Variants in KIAA1958 observed in about 807,000 individuals in gnomAD.
KIAA1958 encodes the protein uncharacterized protein KIAA1958.
KIAA1958 carries 14 observed loss-of-function variants against 47.2 expected under a neutral mutation model. The ratio of observed to expected loss-of-function variants is 0.30; its 90% CI spans 0.20 to 0.46. The LOEUF is 0.46. Among genes scored for constraint, KIAA1958 ranks in the 20% least tolerant of loss-of-function variants. KIAA1958 has a pLI of 1.00. For synonymous variants in KIAA1958, 354 were observed against 353.3 expected (o/e 1.00, Z -0.02); for missense variants, 803 against 909.2 (o/e 0.88, Z 1.50).
At chr9:112,564,669 T>C (rs550290417) in intron 1 of KIAA1958, among the ~76,000 whole-genome samples, 1 of 152,348 alleles carries the variant, frequency 6.6e-6, no homozygotes, top group East Asian at 1.9e-4. Context: ...GCTACTTAAA[T>C]GTATGTAAAC....
intron 1 of KIAA1958, among the ~76,000 whole-genome samples, chr9:112,543,566 T>G (rs1022945752): frequency 1.8e-5 from 1 of 55,198 alleles, no homozygotes; most frequent in Non-Finnish European, 3.1e-5. Context: ...CTTCTGAGCT[T>G]CTTTTTTTTT....
chr9:112,572,790 G>A (rs760569326), intron 1 of KIAA1958, among the ~76,000 whole-genome samples: 3 of 152,204 alleles, frequency 2.0e-5, no homozygotes, highest in Non-Finnish European at 4.4e-5. Context: ...AGAGGTGGCC[G>A]TGGCCACATC....
Position 112,660,438 on chromosome 9 carries a change from C to A in KIAA1958, c.*369C>A, listed in dbSNP as rs1837257381. On this transcript the variant is annotated 3_prime_UTR_variant, in exon 4 of 4. Coordinates refer to ENST00000337530, the MANE Select transcript of KIAA1958 (RefSeq NM_133465.4). ...TTAAGTAGTCGTTTAAAAAAAAAAT[C>A]CCAGTAGCGCAGTAGCTTTAGAACG... The A allele has an allele frequency of 4.5e-6, 1 of 219,940 alleles. No homozygotes were observed. The highest frequency in any genetic ancestry group is 9.1e-6 in the Non-Finnish European group (1 of 109,596). The allele number at this position is 219,940 out of a possible 1,614,324, so 13.6% of individuals were successfully genotyped here.
intron 1 of KIAA1958, among the ~76,000 whole-genome samples, chr9:112,487,371 C>T (rs1164783030): frequency 6.6e-6 from 1 of 151,598 alleles, no homozygotes; most frequent in Non-Finnish European, 1.5e-5. Flanking sequence ...CCCCCGGTGG[C>T]GGCTCCGGTC....
chr9:112,636,788 A>G (rs1836812452), intron 2 of KIAA1958, among the ~76,000 whole-genome samples: 1 of 152,116 alleles, frequency 6.6e-6, no homozygotes, highest in African/African-American at 2.4e-5. Context: ...TTTTTCCCCC[A>G]GGAGAATATA....
intron 2 of KIAA1958, among the ~76,000 whole-genome samples, chr9:112,630,894 G>GTTA (rs1836697099): frequency 6.6e-6 from 1 of 152,142 alleles, no homozygotes; most frequent in South Asian, 2.1e-4. Flanking sequence ...ATTACAGGTA[G>GTTA]TTACACCTTT....
intron 2 of KIAA1958, among the ~76,000 whole-genome samples, chr9:112,633,511 C>T (rs941312745): frequency 6.6e-6 from 1 of 151,904 alleles, no homozygotes. Context: ...TATTGAAGTA[C>T]TTATTATACT....
chr9:112,582,432 C>G (rs1835751747), intron 2 of KIAA1958: 1 of 152,956 alleles, frequency 6.5e-6, no homozygotes, highest in South Asian at 2.1e-4. Flanking sequence ...GGCCAAGGGA[C>G]CAAGAGAAAG....
chr9:112,515,871 G>C (rs1023376262), intron 1 of KIAA1958, among the ~76,000 whole-genome samples: 1 of 48,644 alleles, frequency 2.1e-5, no homozygotes, highest in African/African-American at 8.7e-5. Flanking sequence ...AAACACCCAA[G>C]AATTATCAAT....
rs183445048 is a variant in KIAA1958, at chr9:112,582,339, C to T, written c.1171+7088C>T. 2.1e-3 allele frequency: 326 copies of T among 152,258 alleles called. 2 individuals are homozygous for T. Among genetic ancestry groups the T allele is most frequent in the African/African-American group, 7.4e-3 (308 of 41,540 alleles). The allele number at this position is 152,258 out of a possible 1,614,324, so 9.4% of individuals were successfully genotyped here. On this transcript the variant is annotated intron_variant, in intron 2 of 3. Transcript: ENST00000337530. ...CATTTGCATGCCTGTATCAAAATAT[C>T]TCATGTAACCCATAAATATATACAC...
At chr9:112,647,448 C>T (rs1294923488) in intron 3 of KIAA1958, among the ~76,000 whole-genome samples, 2 of 150,686 alleles carry the variant, frequency 1.3e-5, no homozygotes, top group East Asian at 3.9e-4. Flanking sequence ...CATATGTGCT[C>T]GTTAAAAAAA....
chr9:112,611,724 A>G (rs1246378916), intron 2 of KIAA1958, among the ~76,000 whole-genome samples: 2 of 152,186 alleles, frequency 1.3e-5, no homozygotes, highest in Admixed American at 1.3e-4. Context: ...TTAAAATGAT[A>G]GGAGCTGATT....
chr9:112,634,725 C>T (rs558874108), intron 2 of KIAA1958, among the ~76,000 whole-genome samples: 4 of 152,320 alleles, frequency 2.6e-5, no homozygotes, highest in African/African-American at 9.6e-5. Flanking sequence ...GCCTTTTCAC[C>T]TCTTAATGCT....
At chr9:112,529,907 T>G (rs573775531) in intron 1 of KIAA1958, among the ~76,000 whole-genome samples, 22 of 152,018 alleles carry the variant, frequency 1.4e-4, no homozygotes, top group Middle Eastern at 3.4e-3. Flanking sequence ...GCAGTGGTGC[T>G]ATCTCGGCTC....
chr9:112,629,535 C>T (rs551997410), intron 2 of KIAA1958, among the ~76,000 whole-genome samples: 1 of 152,228 alleles, frequency 6.6e-6, no homozygotes, highest in South Asian at 2.1e-4. Context: ...TAATCTGCTG[C>T]CTGTCAATAT....
chr9:112,638,658 T>C (rs1836846853), intron 2 of KIAA1958, among the ~76,000 whole-genome samples: 1 of 152,204 alleles, frequency 6.6e-6, no homozygotes. Context: ...TTTGGAAAAT[T>C]CTCGACCAAT....
In KIAA1958 at chr9:112,659,336, TC is replaced by T; in HGVS notation, c.1420del (p.Leu474TrpfsTer16). On this transcript the variant is annotated frameshift_variant, in exon 4 of 4. Coordinates refer to ENST00000337530, the MANE Select transcript of KIAA1958 (RefSeq NM_133465.4). LOFTEE classifies it high-confidence loss of function. The stretch of plus-strand genomic sequence containing the variant: ...GTCAAGAAGAGCGACGGCTCGGACT[TC>T]CTGGCCACCTCGCTCCATGCTATTC... Reference protein sequence around the residue: ...VTVKKSDGSDFLATSLHAIRR... With the variant: ...VTVKKSDGSDXLATSLHAIRR... The T allele has an allele frequency of 6.2e-7, 1 of 1,614,068 alleles. No individual in the cohort carries two copies. Among genetic ancestry groups the T allele is most frequent in the Middle Eastern group, 1.7e-4 (1 of 6,060 alleles).
At chr9:112,639,837 T>A (rs1836864069) in intron 2 of KIAA1958, among the ~76,000 whole-genome samples, 1 of 152,016 alleles carries the variant, frequency 6.6e-6, no homozygotes. Context: ...CATCCTGCCC[T>A]ACCAACAACT....
At chr9:112,608,621 C>A (rs1326703796) in intron 2 of KIAA1958, among the ~76,000 whole-genome samples, 1 of 152,094 alleles carries the variant, frequency 6.6e-6, no homozygotes, top group Non-Finnish European at 1.5e-5. Flanking sequence ...AAACCGTTAT[C>A]TATACCAAAA....
Sources: gnomAD v4.1 joint callset for allele counts (sites outside exome capture counted in the v4.1 genomes callset) on GRCh38, gnomAD v4.1.1 for gene constraint, MANE v1.5 for transcripts, NCBI Gene and HGNC (gene_info 2026-07-23, HGNC 2026-07-21) for gene names.